The following DPP9 variants were observed in gnomAD, a reference collection of about 807,000 sequenced individuals.
The protein encoded by DPP9 is dipeptidyl peptidase 9, also known as dipeptidyl peptidase IV-related protein-2.
Under a neutral mutation model 110.7 loss-of-function variants are expected in DPP9, and 50 were observed. The ratio of observed to expected loss-of-function variants is 0.45; its 90% CI spans 0.36 to 0.57. The LOEUF (loss-of-function observed/expected upper bound fraction) is 0.57. Among genes scored for constraint, DPP9 ranks in the 20% least tolerant of loss-of-function variants. DPP9 has a pLI of 0.00. For synonymous variants in DPP9, 561 were observed against 514.4 expected, an observed-to-expected ratio of 1.09 and a Z score of -1.23; for missense variants, 1,022 against 1,217.9, an observed-to-expected ratio of 0.84 and a Z score of 2.39.
Position 4,676,823 on chromosome 19 carries a change from G to A in DPP9, c.2587-167C>T, listed in dbSNP as rs1392462751. Among the ~76,000 whole-genome samples, 1 of 152,152 alleles carries A rather than the reference G, an allele frequency of 6.6e-6. No individual in the cohort carries two copies. The highest frequency in any genetic ancestry group is 1.5e-5 in the Non-Finnish European group (1 of 68,026). On this transcript the variant is annotated intron_variant, in intron 21 of 21. Transcript: ENST00000262960. This position sits in a 1 kb window ranked among gnomAD's most constrained non-coding sequence, Gnocchi z 4.0. The stretch of plus-strand genomic sequence containing the variant: ...GCTGTTGACTTGCAGTGTAACTCTG[G>A]GCCTCTCTAAAAAATGGGGTGAATC...
rs2092796246 is a variant in DPP9 at position 4,710,803 on chromosome 19, G to A, written c.313+3278C>T. 1.3e-5 allele frequency among the ~76,000 whole-genome samples: 2 copies of A among 152,136 alleles called. No individual in the cohort carries two copies. The highest frequency in any genetic ancestry group is 6.5e-5 in the Admixed American group (1 of 15,276). On this transcript the variant is annotated intron_variant, in intron 4 of 21. Transcript: ENST00000262960. This position sits in a 1 kb window ranked among gnomAD's most constrained non-coding sequence, Gnocchi z 5.6. ...CAGTGTGAAGTGACAGCCTGGAGTC[G>A]TTGAAGGGTGAATTTCACCCCGAAA...
intron 3 of DPP9, among the ~76,000 whole-genome samples, chr19:4,714,788 G>A (rs552851699): frequency 9.2e-5 from 14 of 151,894 alleles, no homozygotes; most frequent in East Asian, 7.8e-4. Context: ...CACAGTCCCC[G>A]GGATAACAAC....
intron 11 of DPP9, 88 bp downstream of exon 11, chr19:4,697,463 C>T: frequency 1.8e-6 from 2 of 1,127,354 alleles, no homozygotes; most frequent in Non-Finnish European, 2.6e-6. Flanking sequence ...GAAGGAATGG[C>T]ACGGAAGGCC....
chr19:4,700,172 C>A lies in DPP9; in HGVS notation c.1074+44G>T. The A allele has an allele frequency of 6.8e-7, 1 of 1,472,436 alleles. No individual in the cohort carries two copies. The highest frequency in any genetic ancestry group is 1.4e-5 in the African/African-American group (1 of 71,016). The allele number at this position is 1,472,436 out of a possible 1,614,324, so 91.2% of individuals were successfully genotyped here. The stretch of plus-strand genomic sequence containing the variant: ...CCCAGCTGCCTACCCGGCCCTTCCC[C>A]GCATCATCTAGTAGATTATCTGGTA... On this transcript the variant is annotated intron_variant, in intron 10 of 21. Transcript: ENST00000262960. This position sits in a 1 kb window ranked among gnomAD's most constrained non-coding sequence, Gnocchi z 4.3.
chr19:4,706,001 G>T (rs768139858), intron 4 of DPP9, 31 bp from the exon 5 acceptor site: 12 of 1,592,718 alleles, frequency 7.5e-6, no homozygotes, highest in Non-Finnish European at 1.0e-5. Flanking sequence ...CCCAGAACGG[G>T]TACCCTGGCT....
Position 4,697,552 on chromosome 19 carries a change from A to T in DPP9, c.1174T>A (p.Tyr392Asn), listed in dbSNP as rs757653358. The change falls in exon 11 of 22, where the codon TAC becomes AAC. Residue 392 changes from tyrosine (Y) to asparagine (N), a missense_variant and splice_region_variant. By Grantham distance (143) the Tyr-to-Asn change is moderately radical. Coordinates refer to ENST00000262960, the MANE Select transcript of DPP9 (RefSeq NM_139159.5). ...TGGGTTCCAGCCAGAGACACTCACTATTTGCCATCCCGGGTCCACCCGGCC... is the reference window on the plus strand; with the variant it reads ...TGGGTTCCAGCCAGAGACACTCACTTTTTGCCATCCCGGGTCCACCCGGCC... ...ARAGWTRDGK[Y>N]AWAMFLDRPQ... is the part of the protein sequence containing the mutation. 2 of 1,612,868 alleles carry T rather than the reference A, an allele frequency of 1.2e-6. No homozygotes were observed. The highest frequency in any genetic ancestry group is 2.2e-5 in the South Asian group (2 of 90,974).
intron 4 of DPP9, among the ~76,000 whole-genome samples, 157 bp from the exon 5 acceptor site, chr19:4,706,127 GT>G: frequency 6.6e-6 from 1 of 152,180 alleles, no homozygotes; most frequent in African/African-American, 2.4e-5. Context: ...TGGATCCTGG[GT>G]TTGCTTAAGT....
intron 4 of DPP9, among the ~76,000 whole-genome samples, chr19:4,711,968 C>T (rs1253877186): frequency 2.0e-5 from 3 of 151,954 alleles, no homozygotes; most frequent in Admixed American, 6.6e-5. Flanking sequence ...CCAGAGGGAG[C>T]GTGGCCCTGA....
intron 4 of DPP9, among the ~76,000 whole-genome samples, chr19:4,708,678 T>C (rs1006526980): frequency 6.6e-6 from 1 of 152,088 alleles, no homozygotes. Flanking sequence ...AGAAAAGTAA[T>C]GCAGGAACAG....
intron 4 of DPP9, among the ~76,000 whole-genome samples, chr19:4,713,057 C>A (rs1235143928): frequency 6.6e-6 from 1 of 152,230 alleles, no homozygotes; most frequent in African/African-American, 2.4e-5. Context: ...TGTCTGAGGA[C>A]ATCTGTGGTT....
In DPP9 at chr19:4,685,025, C is replaced by T; in HGVS notation, c.2032-216G>A. On this transcript the variant is annotated intron_variant, in intron 17 of 21. Coordinates refer to ENST00000262960, the MANE Select transcript of DPP9 (RefSeq NM_139159.5). The surrounding 1 kb of genome is among the most constrained non-coding windows in gnomAD (Gnocchi z 5.8). The stretch of plus-strand genomic sequence containing the variant: ...GCTAGGGAGGGGGAAGGGCCACTGT[C>T]AGGCTCTTTCTCAGCTGGGCCACTG... 1 of 691,048 alleles carries T rather than the reference C, an allele frequency of 1.4e-6. No individual in the cohort carries two copies. Among genetic ancestry groups the T allele is most frequent in the Admixed American group, 2.0e-5 (1 of 49,244 alleles). 42.8% of individuals were successfully genotyped at this position (691,048 alleles called of 1,614,324 possible).
intron 14 of DPP9, among the ~76,000 whole-genome samples, chr19:4,690,472 G>A (rs1420473887): frequency 6.6e-6 from 1 of 152,210 alleles, no homozygotes; most frequent in East Asian, 1.9e-4. Context: ...GGACAGCGGG[G>A]CACAAGCTTC....
intron 11 of DPP9, among the ~76,000 whole-genome samples, chr19:4,696,144 G>A (rs534570564): frequency 5.9e-5 from 9 of 152,188 alleles, no homozygotes; most frequent in Non-Finnish European, 1.0e-4. Context: ...CAGATGATCC[G>A]CCAGCCCCAG....
At position 4,723,797 on chromosome 19, in the gene DPP9, C is replaced by A. The variant is rs1404596310; in HGVS notation, c.-212G>T. The A allele has an allele frequency of 6.5e-6, 1 of 154,266 alleles. No individual in the cohort carries two copies. The highest frequency in any genetic ancestry group is 1.5e-5 in the Non-Finnish European group (1 of 68,220). The allele number at this position is 154,266 out of a possible 1,614,324, so 9.6% of individuals were successfully genotyped here. On this transcript the variant is annotated 5_prime_UTR_variant, in exon 1 of 22. Coordinates refer to ENST00000262960, the MANE Select transcript of DPP9 (RefSeq NM_139159.5). ...CGGGAGCGGGGGACGACAGCCGCGG[C>A]GGACACAGGGGACCCGCCGGCTCAG...
rs1024871825 is a variant in DPP9 at position 4,675,877 on chromosome 19, T to A, written c.*687A>T. ...ACCTCCACCTCCCGGGTTCAAGCGA[T>A]TCTCCTGCCTCAGCCTCCCGAGTAG... On this transcript the variant is annotated 3_prime_UTR_variant, in exon 22 of 22. Transcript: ENST00000262960. 3 of 152,442 alleles carry A rather than the reference T, an allele frequency of 2.0e-5. No individual in the cohort carries two copies. Among genetic ancestry groups the A allele is most frequent in the African/African-American group, 7.2e-5 (3 of 41,466 alleles). The allele number at this position is 152,442 out of a possible 1,614,324, so 9.4% of individuals were successfully genotyped here.
chr19:4,697,452 G>T, intron 11 of DPP9, 99 bp downstream of exon 11: 1 of 1,018,766 alleles, frequency 9.8e-7, no homozygotes, highest in African/African-American at 1.6e-5. Flanking sequence ...GTGAGCAGAT[G>T]GAAGGAATGG....
At chr19:4,712,608 A>C (rs1377793799) in intron 4 of DPP9, among the ~76,000 whole-genome samples, 1 of 152,164 alleles carries the variant, frequency 6.6e-6, no homozygotes. Flanking sequence ...TACGTGGGCC[A>C]TATGACCTCT....
chr19:4,681,915 C>G (rs962967536), intron 20 of DPP9, among the ~76,000 whole-genome samples: 6 of 141,536 alleles, frequency 4.2e-5, no homozygotes, highest in Non-Finnish European at 9.0e-5. Context: ...GGCGCACGAT[C>G]TCGGCTCACT....
chr19:4,706,077 C>G (rs986992439), intron 4 of DPP9, 107 bp from the exon 5 acceptor site: 4 of 999,648 alleles, frequency 4.0e-6, no homozygotes, highest in Non-Finnish European at 4.4e-6. Context: ...CTAGAACATT[C>G]TGCCAGGCCG....
Sources: allele counts gnomAD v4.1 joint callset (sites outside exome capture counted in the v4.1 genomes callset), GRCh38; gene constraint gnomAD v4.1.1; non-coding constraint Gnocchi (gnomAD v3.1); transcripts MANE v1.5; gene names NCBI Gene and HGNC (gene_info 2026-07-23, HGNC 2026-07-21).